Variants in KANSL1 observed in about 807,000 individuals in gnomAD.
The protein encoded by KANSL1 is KAT8 regulatory NSL complex subunit 1, also known as MLL1/MLL complex subunit KANSL1.
In KANSL1, 22 loss-of-function variants were observed where a neutral mutation model predicts 103.6. The observed-to-expected ratio is 0.21, with a 90% CI of 0.15 to 0.30. The LOEUF (loss-of-function observed/expected upper bound fraction) is 0.30. Among genes scored for constraint, KANSL1 ranks in the 10% least tolerant of loss-of-function variants. KANSL1 has a pLI of 1.00. For missense variants in KANSL1, 1,337 were observed against 1,399.8 expected, an observed-to-expected ratio of 0.96 and a Z score of 0.72; for synonymous variants, 600 against 527.6, an observed-to-expected ratio of 1.14 and a Z score of -1.88.
intron 1 of KANSL1, among the ~76,000 whole-genome samples, chr17:46,178,543 A>G (rs1444851232): frequency 6.6e-6 from 1 of 152,208 alleles, no homozygotes; most frequent in Non-Finnish European, 1.5e-5. Context: ...CACTCACACA[A>G]ATTGAGATTC....
intron 2 of KANSL1, among the ~76,000 whole-genome samples, chr17:46,100,456 A>G (rs2042262475): frequency 6.6e-6 from 1 of 151,938 alleles, no homozygotes; most frequent in Non-Finnish European, 1.5e-5. Context: ...AAAAAAAAAA[A>G]AAAAAGCGCC....
intron 2 of KANSL1, among the ~76,000 whole-genome samples, chr17:46,127,640 T>C (rs888479306): frequency 9.2e-5 from 14 of 151,898 alleles, no homozygotes; most frequent in African/African-American, 3.1e-4. Flanking sequence ...CCAGGCATGG[T>C]GGTGGCACAC....
intron 2 of KANSL1, among the ~76,000 whole-genome samples, chr17:46,141,571 C>A (rs974455307): frequency 6.6e-6 from 1 of 151,842 alleles, no homozygotes; most frequent in Non-Finnish European, 1.5e-5. Flanking sequence ...AATCTGGGTG[C>A]GAAATAAGAA....
chr17:46,191,807 C>A (rs1334916427), intron 1 of KANSL1, among the ~76,000 whole-genome samples: 1 of 152,124 alleles, frequency 6.6e-6, no homozygotes, highest in African/African-American at 2.4e-5. Context: ...GATGGCAACA[C>A]CAGGATTGTG....
At chr17:46,031,779 C>G in intron 14 of KANSL1, 76 bp from the exon 15 acceptor site, 3 of 1,357,586 alleles carry the variant, frequency 2.2e-6, no homozygotes, top group Non-Finnish European at 3.0e-6. Context: ...CTGCCACAAA[C>G]CTTGTGGCCT....
chr17:46,160,902 T>C (rs1164017153), intron 2 of KANSL1, among the ~76,000 whole-genome samples: 2 of 152,246 alleles, frequency 1.3e-5, no homozygotes, highest in African/African-American at 2.4e-5. Flanking sequence ...TGATCTCTTA[T>C]TAGCTGTTTG....
Position 46,084,943 on chromosome 17 carries a change from A to T in KANSL1, c.1432-2401T>A, listed in dbSNP as rs117904013. Among the ~76,000 whole-genome samples the T allele has an allele frequency of 6.5e-3, 996 of 152,300 alleles. 4 individuals are homozygous for T. Among genetic ancestry groups the T allele is most frequent in the Non-Finnish European group, 0.01 (709 of 68,016 alleles). On this transcript the variant is annotated intron_variant, in intron 3 of 14. Coordinates refer to ENST00000432791, the MANE Select transcript of KANSL1 (RefSeq NM_015443.4). ...TTATCTTGTACACCACTGCCTTCTC[A>T]AAACGTTGTATTCAACAGATATTCC...
At chr17:46,083,997 AAAG>A (rs1010858364) in intron 3 of KANSL1, among the ~76,000 whole-genome samples, 1 of 152,202 alleles carries the variant, frequency 6.6e-6, no homozygotes, top group African/African-American at 2.4e-5. Context: ...AGTTTTTAAA[AAAG>A]AAGTATGTAT....
intron 2 of KANSL1, among the ~76,000 whole-genome samples, chr17:46,154,348 A>G (rs1484072042): frequency 6.6e-6 from 1 of 152,230 alleles, no homozygotes; most frequent in African/African-American, 2.4e-5. Context: ...TCTACTTGCA[A>G]TGCTCACTGC....
intron 7 of KANSL1, 120 bp from the exon 8 acceptor site, chr17:46,040,004 T>C (rs2077265525): frequency 1.2e-6 from 1 of 814,358 alleles, no homozygotes; most frequent in Non-Finnish European, 2.0e-6. Context: ...GGGCAAGTGC[T>C]GTCATATGGA....
At chr17:46,107,085 A>T (rs935384813) in intron 2 of KANSL1, among the ~76,000 whole-genome samples, 6 of 152,244 alleles carry the variant, frequency 3.9e-5, no homozygotes, top group African/African-American at 1.4e-4. Flanking sequence ...AGGTAACCCA[A>T]GTTTGGCATT....
chr17:46,124,020 T>C (rs2043401403), intron 2 of KANSL1, among the ~76,000 whole-genome samples: 2 of 152,368 alleles, frequency 1.3e-5, no homozygotes, highest in South Asian at 4.1e-4. Context: ...GGACAGCCTC[T>C]CTTGTTAGGA....
At chr17:46,204,928 GAAGAAAA>G (rs2047915269) in intron 1 of KANSL1, among the ~76,000 whole-genome samples, 1 of 152,112 alleles carries the variant, frequency 6.6e-6, no homozygotes, top group African/African-American at 2.4e-5. Context: ...AGTAGAAATT[GAAGAAAA>G]CATCTTCAAT....
rs541306591 is a variant in KANSL1 at position 46,103,427 on chromosome 17, G to A, written c.1290-8726C>T. 5.9e-5 allele frequency among the ~76,000 whole-genome samples: 9 copies of A among 152,234 alleles called. No homozygotes were observed. In the East Asian group the frequency reaches 1.7e-3, roughly 29 times the overall value. ...AAATATTTCGGTATGTTTCCAAAAT[G>A]TAAGGTCTTTTAAGAATATATACCA... On this transcript the variant is annotated intron_variant, in intron 2 of 14. Coordinates refer to ENST00000432791, the MANE Select transcript of KANSL1 (RefSeq NM_015443.4).
chr17:46,045,672 T>A (rs2077481215), intron 7 of KANSL1: 1 of 152,038 alleles, frequency 6.6e-6, no homozygotes, highest in African/African-American at 2.4e-5. Flanking sequence ...AATGATGGTG[T>A]GGGAGGTGTA....
chr17:46,176,842 T>C (rs1189730359), intron 1 of KANSL1, among the ~76,000 whole-genome samples: 1 of 152,088 alleles, frequency 6.6e-6, no homozygotes. Flanking sequence ...CACAGCATAG[T>C]GTAGTTACTA....
chr17:46,172,630 T>A (rs1374677702), intron 1 of KANSL1, among the ~76,000 whole-genome samples: 2 of 151,964 alleles, frequency 1.3e-5, no homozygotes, highest in Non-Finnish European at 2.9e-5. Context: ...CAGAAAAAAA[T>A]TAGTAAGGAA....
Position 46,066,685 on chromosome 17 carries a change from G to A in KANSL1, c.1700C>T (p.Ala567Val), listed in dbSNP as rs752587887. The A allele has an allele frequency of 1.9e-6, 3 of 1,614,140 alleles. No individual in the cohort carries two copies. The highest frequency in any genetic ancestry group is 1.7e-6 in the Non-Finnish European group (2 of 1,180,014). Residue 567 changes from alanine to valine, a missense_variant, in exon 6 of 15, where the codon GCT (alanine) becomes GTT (valine). Physicochemically the swap from Ala to Val is moderately conservative, Grantham distance 64. Coordinates refer to ENST00000432791, the MANE Select transcript of KANSL1 (RefSeq NM_015443.4). ...TTGCTTCTTATGTAATTGTTCCTCA[G>A]CATCAGAGCTGTCACCTGGAATGTG... ...ADHIPGDSSD[A>V]EEQLHKKQRL...
intron 1 of KANSL1, among the ~76,000 whole-genome samples, chr17:46,189,117 G>A (rs1221833257): frequency 6.8e-6 from 1 of 146,924 alleles, no homozygotes; most frequent in African/African-American, 2.6e-5. Flanking sequence ...GGAGGCTAAG[G>A]CAGGAAGATC....
Sources: allele counts gnomAD v4.1 joint callset (sites outside exome capture counted in the v4.1 genomes callset), GRCh38; gene constraint gnomAD v4.1.1; transcripts MANE v1.5; gene names NCBI Gene and HGNC (gene_info 2026-07-23, HGNC 2026-07-21).